The following CFAP299 variants were observed in gnomAD, a reference collection of about 807,000 sequenced individuals.
CFAP299 encodes cilia- and flagella-associated protein 299.
CFAP299 carries 21 observed loss-of-function variants against 27.0 expected under a neutral mutation model. That is an observed-to-expected ratio of 0.78 (90% confidence interval 0.55 to 1.12). The LOEUF is 1.12. Ranked by LOEUF, CFAP299 falls within the 50% of genes most tolerant of loss-of-function variation. The pLI is 0.00. For synonymous variants in CFAP299, 104 were observed against 98.1 expected (o/e 1.06, Z -0.36); for missense variants, 310 against 276.6 (o/e 1.12, Z -0.86).
rs1373002228 is a variant in CFAP299 at position 80,800,763 on chromosome 4, GTGTGTA to G, written c.334-69228_334-69223del. Among the ~76,000 whole-genome samples, 14 of 130,734 alleles carry G rather than the reference GTGTGTA, an allele frequency of 1.1e-4. No homozygotes were observed. The South Asian group carries it at 1.5e-3, about 14-fold the overall frequency. 85.8% of individuals were successfully genotyped at this position (130,734 alleles called of 152,430 possible). ...ATATAATCAGTGTGTGTGTGTGTGT[GTGTGTA>G]TATATATATATGTATACATATATAT... is the stretch of plus-strand genomic sequence containing the variant. On this transcript the variant is annotated intron_variant, in intron 3 of 5. Coordinates refer to ENST00000358105, the MANE Select transcript of CFAP299 (RefSeq NM_152770.3).
chr4:80,493,738 G>T (rs1578511649), intron 2 of CFAP299, among the ~76,000 whole-genome samples: 2 of 138,452 alleles, frequency 1.4e-5, no homozygotes, highest in Non-Finnish European at 1.6e-5. Flanking sequence ...TGGGATATCT[G>T]TCTCTTTTCT....
At chr4:80,828,017 T>C (rs1364646401) in intron 3 of CFAP299, among the ~76,000 whole-genome samples, 1 of 151,950 alleles carries the variant, frequency 6.6e-6, no homozygotes, top group Non-Finnish European at 1.5e-5. Context: ...CAGTGAAAAC[T>C]ACAAAGCATT....
chr4:80,422,633 A>G (rs1449916753), intron 2 of CFAP299, among the ~76,000 whole-genome samples: 2 of 152,188 alleles, frequency 1.3e-5, no homozygotes, highest in Non-Finnish European at 2.9e-5. Context: ...GTATATACTC[A>G]TAGTGAGTAT....
chr4:80,617,922 G>A (rs1738376185), intron 3 of CFAP299, among the ~76,000 whole-genome samples: 1 of 152,032 alleles, frequency 6.6e-6, no homozygotes, highest in South Asian at 2.1e-4. Context: ...CTGCCCAAAG[G>A]AATTAAAAAT....
At chr4:80,725,975 G>A (rs1723138002) in intron 3 of CFAP299, among the ~76,000 whole-genome samples, 1 of 152,112 alleles carries the variant, frequency 6.6e-6, no homozygotes, top group African/African-American at 2.4e-5. Context: ...ACATGCACCT[G>A]GTGCTTCTAA....
chr4:80,621,095 GA>G (rs1738580735), intron 3 of CFAP299, among the ~76,000 whole-genome samples: 1 of 151,972 alleles, frequency 6.6e-6, no homozygotes, highest in Non-Finnish European at 1.5e-5. Context: ...ATTTTCAGTA[GA>G]ATGCTTCCTT....
intron 2 of CFAP299, among the ~76,000 whole-genome samples, chr4:80,492,805 C>G (rs1731206452): frequency 6.6e-6 from 1 of 152,084 alleles, no homozygotes; most frequent in African/African-American, 2.4e-5. Flanking sequence ...AAAGGCAAAG[C>G]AAGACTGAGT....
chr4:80,522,446 G>A (rs1732968967), intron 2 of CFAP299, among the ~76,000 whole-genome samples: 1 of 152,016 alleles, frequency 6.6e-6, no homozygotes, highest in African/African-American at 2.4e-5. Flanking sequence ...TTCCATTTCT[G>A]TAGGTTGCCC....
intron 2 of CFAP299, among the ~76,000 whole-genome samples, chr4:80,502,813 T>C (rs1731809112): frequency 6.6e-6 from 1 of 152,144 alleles, no homozygotes; most frequent in South Asian, 2.1e-4. Flanking sequence ...GCTTCAACTA[T>C]TGATAACTTC....
intron 4 of CFAP299, among the ~76,000 whole-genome samples, chr4:80,916,255 AT>A (rs1735748877): frequency 2.5e-5 from 1 of 39,656 alleles, no homozygotes; most frequent in Non-Finnish European, 4.0e-5. Context: ...AGACTGAAAT[AT>A]ATATATATAT....
At chr4:80,427,124 G>T (rs376529281) in intron 2 of CFAP299, among the ~76,000 whole-genome samples, 7 of 152,104 alleles carry the variant, frequency 4.6e-5, no homozygotes, top group African/African-American at 1.7e-4. Context: ...TTGAGGAAAT[G>T]CTATAGTAAT....
chr4:80,814,638 T>C (rs1182432981), intron 3 of CFAP299, among the ~76,000 whole-genome samples: 1 of 151,970 alleles, frequency 6.6e-6, no homozygotes, highest in Admixed American at 6.6e-5. Context: ...AAATACTTCA[T>C]TGGAGTATTT....
chr4:80,388,092 C>G (rs905991923), intron 2 of CFAP299: 5 of 694,120 alleles, frequency 7.2e-6, no homozygotes, highest in Non-Finnish European at 2.6e-6. Context: ...GCACTGTACA[C>G]CTTCACCACA....
intron 3 of CFAP299, among the ~76,000 whole-genome samples, chr4:80,598,845 G>T (rs889176460): frequency 6.6e-6 from 1 of 152,174 alleles, no homozygotes; most frequent in Admixed American, 6.5e-5. Flanking sequence ...AATCGTAAGA[G>T]AATACACCTT....
At chr4:80,887,987 A>G (rs1734055299) in intron 4 of CFAP299, among the ~76,000 whole-genome samples, 1 of 152,120 alleles carries the variant, frequency 6.6e-6, no homozygotes, top group Admixed American at 6.6e-5. Flanking sequence ...CATATAAAAA[A>G]ATAAAAAAAT....
intron 2 of CFAP299, among the ~76,000 whole-genome samples, chr4:80,470,356 G>A (rs943786658): frequency 1.3e-5 from 2 of 151,832 alleles, no homozygotes; most frequent in African/African-American, 4.8e-5. Context: ...CTACCTTCTC[G>A]TTTTCTTTCT....
intron 5 of CFAP299, among the ~76,000 whole-genome samples, chr4:80,952,232 G>C (rs1737817432): frequency 6.6e-6 from 1 of 152,150 alleles, no homozygotes; most frequent in Admixed American, 6.5e-5. Flanking sequence ...ACATCTGCGG[G>C]ATGAATAAAT....
intron 3 of CFAP299, among the ~76,000 whole-genome samples, chr4:80,835,584 G>T (rs750561299): frequency 3.9e-5 from 6 of 151,910 alleles, no homozygotes; most frequent in Non-Finnish European, 7.4e-5. Flanking sequence ...ACCTATGAGT[G>T]TCCTCTTATG....
chr4:80,704,609 T>C (rs537502877), intron 3 of CFAP299, among the ~76,000 whole-genome samples: 29 of 151,814 alleles, frequency 1.9e-4, no homozygotes, highest in Non-Finnish European at 4.0e-4. Context: ...ATGGGCATAA[T>C]TATATGTCAG....
Sources: gnomAD v4.1 joint callset for allele counts (sites outside exome capture counted in the v4.1 genomes callset) on GRCh38, gnomAD v4.1.1 for gene constraint, MANE v1.5 for transcripts, NCBI Gene and HGNC (gene_info 2026-07-23, HGNC 2026-07-21) for gene names.